The following S100PBP variants were observed in gnomAD, a reference collection of about 807,000 sequenced individuals.
S100PBP encodes the protein S100P-binding protein.
S100PBP carries 15 observed loss-of-function variants against 39.9 expected under a neutral mutation model. That is an observed-to-expected ratio of 0.38 (90% CI 0.25 to 0.58). The LOEUF (loss-of-function observed/expected upper bound fraction) is 0.58, where lower values mean the gene tolerates loss of function less well. S100PBP is among the 20% of genes least tolerant of loss of function. The pLI, the probability that S100PBP is intolerant of heterozygous loss-of-function variation, is 0.70. For missense variants in S100PBP, 504 were observed against 487.3 expected, an observed-to-expected ratio of 1.03 and a Z score of -0.32; for synonymous variants, 178 against 180.3, an observed-to-expected ratio of 0.99 and a Z score of 0.10.
In S100PBP at chr1:32,817,691, T is replaced by G. The variant is rs1569799774; in HGVS notation, c.-120+2T>G. 2 of 210,676 alleles carry G rather than the reference T, an allele frequency of 9.5e-6. No homozygotes were observed. The highest frequency in any genetic ancestry group is 2.3e-5 in the African/African-American group (1 of 42,882). 13.1% of individuals were successfully genotyped at this position (210,676 alleles called of 1,614,324 possible). On this transcript the variant is annotated splice_donor_variant, in intron 1 of 6. Coordinates refer to ENST00000373475, the MANE Select transcript of S100PBP (RefSeq NM_022753.4). LOFTEE classifies it low-confidence loss of function (5UTR_SPLICE). ...CAGGCTTTGGCCCGGCTTCCGGAGG[T>G]GAAGAGCGGGAGGGACGAGGGGGTC... is the stretch of plus-strand genomic sequence containing the variant.
At chr1:32,821,325 T>C (rs1337035544) in intron 1 of S100PBP, among the ~76,000 whole-genome samples, 1 of 152,146 alleles carries the variant, frequency 6.6e-6, no homozygotes, top group African/African-American at 2.4e-5. Context: ...TGTGGCTTTT[T>C]TGTTGTTGTT....
At chr1:32,821,317 T>C (rs1639048292) in intron 1 of S100PBP, among the ~76,000 whole-genome samples, 1 of 152,142 alleles carries the variant, frequency 6.6e-6, no homozygotes, top group African/African-American at 2.4e-5. Context: ...CGTGGTATTG[T>C]GGCTTTTTTG....
At chr1:32,818,263 AGACGCAAAGGCCCTTCCTGGAAGGC>A (rs1404926196) in intron 1 of S100PBP, 3 of 152,200 alleles carry the variant, frequency 2.0e-5, no homozygotes, top group African/African-American at 4.8e-5. Context: ...CGGGGGAGGG[AGACGCAAAGGCCCTTCCTGGAAGGC>A]GACACCGTCC....
intron 5 of S100PBP, among the ~76,000 whole-genome samples, chr1:32,841,209 T>C (rs1016482376): frequency 1.3e-5 from 2 of 152,042 alleles, no homozygotes; most frequent in African/African-American, 4.8e-5. Flanking sequence ...ATTACTGAGT[T>C]TCGAGAGTTC....
chr1:32,823,471 T>C (rs907428705), intron 1 of S100PBP, among the ~76,000 whole-genome samples: 1 of 152,222 alleles, frequency 6.6e-6, no homozygotes, highest in African/African-American at 2.4e-5. Context: ...TTTTAGCAGC[T>C]CTAGGTTTAA....
Position 32,826,327 on chromosome 1 carries a change from T to C in S100PBP, c.228T>C (p.Asp76=), listed in dbSNP as rs755478845. 39 of 1,613,974 alleles carry C rather than the reference T, an allele frequency of 2.4e-5. No individual in the cohort carries two copies. The highest frequency in any genetic ancestry group is 1.3e-4 in the Admixed American group (8 of 59,998). The change falls in exon 3 of 7, where the codon GAT becomes GAC. Residue 76 remains aspartate (D), a synonymous_variant. Coordinates refer to ENST00000373475, the MANE Select transcript of S100PBP (RefSeq NM_022753.4). ...DPSYEQSSGE[D]DGGHVEKGER... ...CATATGAGCAGTCTTCTGGGGAAGA[T>C]GATGGTGGGCATGTTGAGAAGGGAG...
intron 5 of S100PBP, among the ~76,000 whole-genome samples, chr1:32,833,209 A>G (rs1044856116): frequency 1.3e-5 from 2 of 152,088 alleles, no homozygotes; most frequent in East Asian, 1.9e-4. Flanking sequence ...ATTACCTCAT[A>G]AGGCAGGTCA....
intron 3 of S100PBP, among the ~76,000 whole-genome samples, chr1:32,827,576 C>T (rs1339908321): frequency 7.9e-5 from 12 of 152,052 alleles, no homozygotes; most frequent in Admixed American, 3.9e-4. Flanking sequence ...TCCCGCCTCT[C>T]GGGTTCAAGC....
chr1:32,827,783 GTTTT>G (rs35149609), intron 3 of S100PBP, among the ~76,000 whole-genome samples: 3 of 130,424 alleles, frequency 2.3e-5, no homozygotes, highest in Admixed American at 7.8e-5. Context: ...ACCTGGCCAG[GTTTT>G]TTTTTTTTTT....
chr1:32,858,559 C>T lies in S100PBP; in HGVS notation c.*2521C>T, dbSNP rs1640901285. The T allele has an allele frequency of 6.6e-6, 1 of 152,262 alleles. No homozygotes were observed. The highest frequency in any genetic ancestry group is 1.5e-5 in the Non-Finnish European group (1 of 68,030). The allele number at this position is 152,262 out of a possible 1,614,324, so 9.4% of individuals were successfully genotyped here. A position where few individuals can be genotyped will look rare whatever the true frequency, so the allele number is the denominator to read the frequency against. ...TTATATTTGGTATTGGCCTCTAAGT[C>T]TAATATTGCAGTTGGAATTCTTGCT... On this transcript the variant is annotated 3_prime_UTR_variant, in exon 7 of 7. Transcript: ENST00000373475.
intron 5 of S100PBP, among the ~76,000 whole-genome samples, chr1:32,846,586 A>AT (rs1300659009): frequency 6.6e-6 from 1 of 150,834 alleles, no homozygotes; most frequent in Non-Finnish European, 1.5e-5. Context: ...TCTTTGTTGT[A>AT]TTTTTATTAT....
chr1:32,830,044 A>G lies in S100PBP; in HGVS notation c.1001A>G (p.Glu334Gly), dbSNP rs1639525057. The G allele has an allele frequency of 1.2e-6, 2 of 1,612,462 alleles. No individual in the cohort carries two copies. Among genetic ancestry groups the G allele is most frequent in the East Asian group, 4.5e-5 (2 of 44,868 alleles). The change falls in exon 5 of 7, where the codon GAA (glutamate) becomes GGA (glycine). Residue 334 changes from glutamate (E) to glycine (G), a missense_variant. Glu to Gly is a moderately conservative substitution (Grantham distance 98). Coordinates refer to ENST00000373475, the MANE Select transcript of S100PBP (RefSeq NM_022753.4). ...CTCAGGAGTGTCATTGCTCATATAGAAGACCCAGAGGACACTAACCAAGGT... is the reference window on the plus strand; with the variant it reads ...CTCAGGAGTGTCATTGCTCATATAGGAGACCCAGAGGACACTAACCAAGGT... ...LYLRSVIAHIEDPEDTNQGIS... is the reference protein window; with the variant it reads ...LYLRSVIAHIGDPEDTNQGIS...
intron 1 of S100PBP, among the ~76,000 whole-genome samples, chr1:32,823,130 G>C (rs1639162195): frequency 6.6e-6 from 1 of 152,168 alleles, no homozygotes; most frequent in South Asian, 2.1e-4. Context: ...AGTTTCCCAA[G>C]AGGGAAAAAT....
At chr1:32,829,022 T>C (rs1324569916) in intron 4 of S100PBP, among the ~76,000 whole-genome samples, 1 of 152,188 alleles carries the variant, frequency 6.6e-6, no homozygotes, top group Admixed American at 6.5e-5. Flanking sequence ...TTTAAATTAT[T>C]ACAAACAAGG....
intron 1 of S100PBP, among the ~76,000 whole-genome samples, chr1:32,824,331 A>G (rs75518798): frequency 2.0e-5 from 3 of 152,188 alleles, no homozygotes; most frequent in East Asian, 1.9e-4. Context: ...TTTTGAGTTC[A>G]GTATTTAAGC....
At chr1:32,822,544 G>C (rs116138260) in intron 1 of S100PBP, among the ~76,000 whole-genome samples, 3,343 of 150,172 alleles carry the variant, frequency 0.022, 125 homozygotes, top group African/African-American at 0.076. Flanking sequence ...GTGAACCCGG[G>C]AGGCAGACAG....
At chr1:32,832,470 C>A (rs533834723) in intron 5 of S100PBP, among the ~76,000 whole-genome samples, 2 of 152,256 alleles carry the variant, frequency 1.3e-5, no homozygotes, top group African/African-American at 4.8e-5. Context: ...TTAGGGCATT[C>A]ATTTTTTTCA....
intron 5 of S100PBP, among the ~76,000 whole-genome samples, chr1:32,841,298 C>A (rs76177756): frequency 6.6e-6 from 1 of 152,022 alleles, no homozygotes; most frequent in South Asian, 2.1e-4. Context: ...TATGCCTTGT[C>A]TTTTCATTCC....
Position 32,826,104 on chromosome 1 carries a change from T to C in S100PBP, c.5T>C (p.Met2Thr), listed in dbSNP as rs773425248. The change falls in exon 3 of 7, where the codon ATG (methionine) becomes ACG (threonine). Residue 2 changes from methionine (M) to threonine (T), a missense_variant. Coordinates refer to ENST00000373475, the MANE Select transcript of S100PBP (RefSeq NM_022753.4). M[M>T]CSRVPSEQSS... ...TTGTCTCTTATTTCTCCAGAAATGA[T>C]GTGCTCACGGGTGCCCTCTGAACAG... 2 of 1,593,054 alleles carry C rather than the reference T, an allele frequency of 1.3e-6. No individual in the cohort carries two copies. Among genetic ancestry groups the C allele is most frequent in the Non-Finnish European group, 1.7e-6 (2 of 1,171,330 alleles).
Sources: allele counts gnomAD v4.1 joint callset (sites outside exome capture counted in the v4.1 genomes callset), GRCh38; gene constraint gnomAD v4.1.1; transcripts MANE v1.5; gene names NCBI Gene and HGNC (gene_info 2026-07-23, HGNC 2026-07-21).